The following CNTNAP2 variants were observed in gnomAD, a reference collection of about 807,000 sequenced individuals.
CNTNAP2 encodes the protein contactin-associated protein-like 2.
In CNTNAP2, 98 loss-of-function variants were observed where a neutral mutation model predicts 155.2. The observed-to-expected ratio is 0.63, with a 90% confidence interval of 0.54 to 0.75. The LOEUF is 0.75. CNTNAP2 is among the 30% of genes least tolerant of loss of function. CNTNAP2 has a pLI of 0.00. For synonymous variants in CNTNAP2, 651 were observed against 631.2 expected (o/e 1.03, Z -0.47); for missense variants, 1,727 against 1,688.1 (o/e 1.02, Z -0.40).
intron 1 of CNTNAP2, among the ~76,000 whole-genome samples, chr7:146,748,083 A>C (rs1166905303): frequency 6.6e-6 from 1 of 151,462 alleles, no homozygotes; most frequent in Non-Finnish European, 1.5e-5. Context: ...GAGAATATTA[A>C]AGCCCAGAGA....
chr7:146,652,935 C>G (rs1035787123), intron 1 of CNTNAP2, among the ~76,000 whole-genome samples: 1 of 152,130 alleles, frequency 6.6e-6, no homozygotes, highest in African/African-American at 2.4e-5. Context: ...ACTGTGGAGT[C>G]TTTCTGGAAC....
At chr7:147,643,999 A>G (rs554070944) in intron 13 of CNTNAP2, among the ~76,000 whole-genome samples, 1 of 152,382 alleles carries the variant, frequency 6.6e-6, no homozygotes, top group African/African-American at 2.4e-5. Flanking sequence ...CAAATTAAAA[A>G]TAATGATTTT....
rs1491164453 is a variant in CNTNAP2 at position 148,365,986 on chromosome 7, A to ATG, written c.3476-17657_3476-17656dup. Among the ~76,000 whole-genome samples, 2 of 2,280 alleles carry ATG rather than the reference A, an allele frequency of 8.8e-4. 1 individual carries two copies. The highest frequency in any genetic ancestry group is 1.0e-3 in the African/African-American group (2 of 1,906). The allele number at this position is 2,280 out of a possible 152,430, so 1.5% of individuals were successfully genotyped here. ...TATACATGTGTGTATGCATGTATAC[A>ATG]TGTGTGTATGCATGTATGCATGTGT... On this transcript the variant is annotated intron_variant, in intron 21 of 23. Transcript: ENST00000361727.
chr7:147,458,502 A>G (rs1797961067), intron 10 of CNTNAP2, among the ~76,000 whole-genome samples: 1 of 152,152 alleles, frequency 6.6e-6, no homozygotes, highest in South Asian at 2.1e-4. Flanking sequence ...AAGAACTATC[A>G]CTTAAGAAAG....
intron 1 of CNTNAP2, among the ~76,000 whole-genome samples, chr7:146,384,237 A>G (rs1221498282): frequency 2.0e-5 from 3 of 152,206 alleles, no homozygotes; most frequent in Non-Finnish European, 4.4e-5. Context: ...AAAATTAGCA[A>G]AGTTAATGCC....
At chr7:148,409,795 T>C (rs1799785810) in intron 23 of CNTNAP2, among the ~76,000 whole-genome samples, 1 of 109,940 alleles carries the variant, frequency 9.1e-6, no homozygotes, top group Non-Finnish European at 1.9e-5. Flanking sequence ...CTCACGCCTG[T>C]AATCCCAGCA....
intron 13 of CNTNAP2, among the ~76,000 whole-genome samples, chr7:147,824,380 C>A (rs2116626018): frequency 6.6e-6 from 1 of 152,234 alleles, no homozygotes; most frequent in East Asian, 1.9e-4. Context: ...AGCTAGTAAG[C>A]CTTGCTACCT....
At chr7:146,567,548 C>G (rs555571926) in intron 1 of CNTNAP2, among the ~76,000 whole-genome samples, 1 of 152,032 alleles carries the variant, frequency 6.6e-6, no homozygotes, top group Non-Finnish European at 1.5e-5. Context: ...TTTAGTTTTA[C>G]TTAAATTTGT....
At chr7:146,830,898 A>T (rs1803496400) in intron 2 of CNTNAP2, among the ~76,000 whole-genome samples, 1 of 152,342 alleles carries the variant, frequency 6.6e-6, no homozygotes, top group South Asian at 2.1e-4. Flanking sequence ...CTTCAAGCTG[A>T]CATCACCATT....
At chr7:147,068,257 A>G (rs923501727) in intron 4 of CNTNAP2, among the ~76,000 whole-genome samples, 6 of 152,200 alleles carry the variant, frequency 3.9e-5, no homozygotes, top group African/African-American at 1.4e-4. Flanking sequence ...TGGCAAGGCT[A>G]CCTTCTTGGG....
rs576649852 is a variant in CNTNAP2, at chr7:146,308,805, C to T, written c.97+191832C>T. ...AAACACTTGGACACACGGCGGGGAA[C>T]ATCACATACCGGGGCCTGTTGTAGG... On this transcript the variant is annotated intron_variant, in intron 1 of 23. Transcript: ENST00000361727. Among the ~76,000 whole-genome samples, 4 of 151,960 alleles carry T rather than the reference C, an allele frequency of 2.6e-5. No individual in the cohort carries two copies. In the East Asian group the frequency reaches 7.8e-4, roughly 30 times the overall value.
At chr7:148,268,272 T>C (rs1796710472) in intron 21 of CNTNAP2, among the ~76,000 whole-genome samples, 1 of 152,056 alleles carries the variant, frequency 6.6e-6, no homozygotes, top group African/African-American at 2.4e-5. Context: ...GTAGAAGTGA[T>C]CAGAATAGCA....
rs553500139 is a variant in CNTNAP2 at position 146,679,431 on chromosome 7, C to G, written c.98-94840C>G. 2.4e-3 allele frequency among the ~76,000 whole-genome samples: 360 copies of G among 148,688 alleles called. 6 individuals carry two copies. Among genetic ancestry groups the G allele is most frequent in the Non-Finnish European group, 2.0e-3 (133 of 67,590 alleles). ...AGTGCAGTGGCTCGATCTCGGCTCA[C>G]TGCAACTTCCACCTCCCAGGTTCAA... On this transcript the variant is annotated intron_variant, in intron 1 of 23. Coordinates refer to ENST00000361727, the MANE Select transcript of CNTNAP2 (RefSeq NM_014141.6).
chr7:146,245,859 A>G (rs547035736), intron 1 of CNTNAP2, among the ~76,000 whole-genome samples: 50 of 147,052 alleles, frequency 3.4e-4, no homozygotes, highest in Non-Finnish European at 6.3e-4. Flanking sequence ...TAGTAAAGAA[A>G]GCATGTTTGA....
intron 9 of CNTNAP2, among the ~76,000 whole-genome samples, chr7:147,353,300 C>A (rs905772864): frequency 6.6e-6 from 1 of 151,882 alleles, no homozygotes; most frequent in Non-Finnish European, 1.5e-5. Flanking sequence ...CCTCCCCTTT[C>A]CCCTACTCCC....
chr7:146,245,990 A>T lies in CNTNAP2; in HGVS notation c.97+129017A>T, dbSNP rs1799642738. Among the ~76,000 whole-genome samples, 3 of 147,664 alleles carry T rather than the reference A, an allele frequency of 2.0e-5. No homozygotes were observed. In the South Asian group the frequency reaches 6.3e-4, roughly 31 times the overall value. On this transcript the variant is annotated intron_variant, in intron 1 of 23. Coordinates refer to ENST00000361727, the MANE Select transcript of CNTNAP2 (RefSeq NM_014141.6). ...GTTGATAAGGCATAGATCCTGAACT[A>T]ACTTGTAAGGCTTGTCTGGTTTTAG...
intron 18 of CNTNAP2, among the ~76,000 whole-genome samples, chr7:148,205,887 GC>G (rs1302602562): frequency 6.6e-6 from 1 of 152,154 alleles, no homozygotes; most frequent in Non-Finnish European, 1.5e-5. Flanking sequence ...CTAGAGAGAA[GC>G]CTGGTGCATG....
chr7:147,565,569 T>C (rs1800154937), intron 12 of CNTNAP2, among the ~76,000 whole-genome samples: 1 of 152,024 alleles, frequency 6.6e-6, no homozygotes, highest in African/African-American at 2.4e-5. Flanking sequence ...TGAACTAGGG[T>C]AGGGATGGTT....
intron 13 of CNTNAP2, among the ~76,000 whole-genome samples, chr7:147,657,707 TA>T (rs1795546584): frequency 6.6e-6 from 1 of 152,174 alleles, no homozygotes; most frequent in African/African-American, 2.4e-5. Context: ...AACAAGCCCT[TA>T]AAAATAATGT....
Sources: gnomAD v4.1 joint callset for allele counts (sites outside exome capture counted in the v4.1 genomes callset) on GRCh38, gnomAD v4.1.1 for gene constraint, MANE v1.5 for transcripts, NCBI Gene and HGNC (gene_info 2026-07-23, HGNC 2026-07-21) for gene names.